Variants in TLN2 observed in about 807,000 individuals in gnomAD.
The protein encoded by TLN2 is talin 2, also known as talin-2.
Under a neutral mutation model 294.7 loss-of-function variants are expected in TLN2, and 118 were observed. The observed-to-expected ratio is 0.40, with a 90% CI of 0.34 to 0.47. The LOEUF (loss-of-function observed/expected upper bound fraction) is 0.47. TLN2 is among the 20% of genes least tolerant of loss of function. The pLI is 0.84. For missense variants in TLN2, 3,083 were observed against 3,282.2 expected (o/e 0.94, Z 1.48); for synonymous variants, 1,431 against 1,304.5 (o/e 1.10, Z -2.09).
chr15:62,738,073 G>C, intron 29 of TLN2, 141 bp from the exon 30 acceptor site: 2 of 880,722 alleles, frequency 2.3e-6, no homozygotes, highest in Admixed American at 2.2e-5. Flanking sequence ...ATGAGGTGAT[G>C]TAAGACAGGT....
chr15:62,692,191 A>G (rs2057977750), intron 12 of TLN2, among the ~76,000 whole-genome samples: 1 of 152,226 alleles, frequency 6.6e-6, no homozygotes, highest in Non-Finnish European at 1.5e-5. Context: ...GGCAGAAGGC[A>G]CTTCCCTGGG....
chr15:62,586,202 G>C (rs2045593844), intron 1 of TLN2, among the ~76,000 whole-genome samples: 1 of 152,336 alleles, frequency 6.6e-6, no homozygotes, highest in African/African-American at 2.4e-5. Context: ...AGAACAGAGA[G>C]GCCAGCAATT....
intron 1 of TLN2, among the ~76,000 whole-genome samples, chr15:62,577,084 CTTTA>C (rs1054204421): frequency 6.6e-6 from 1 of 152,196 alleles, no homozygotes; most frequent in African/African-American, 2.4e-5. Context: ...ATGGCTGTAA[CTTTA>C]TTTAATGAGT....
chr15:62,813,962 G>A (rs941791854), intron 52 of TLN2, among the ~76,000 whole-genome samples: 1 of 152,040 alleles, frequency 6.6e-6, no homozygotes, highest in Non-Finnish European at 1.5e-5. Flanking sequence ...TTACAGGCAC[G>A]AGCTACCAGG....
chr15:62,420,277 A>T (rs572449003), intron 1 of TLN2, among the ~76,000 whole-genome samples: 10 of 152,308 alleles, frequency 6.6e-5, no homozygotes, highest in African/African-American at 2.4e-4. Context: ...ATTTTCATAG[A>T]ATTTCATGTC....
At chr15:62,685,260 C>T (rs2057181719) in intron 11 of TLN2, among the ~76,000 whole-genome samples, 1 of 151,792 alleles carries the variant, frequency 6.6e-6, no homozygotes, top group Non-Finnish European at 1.5e-5. Flanking sequence ...TGTTTTTCTA[C>T]AATATGATTT....
At chr15:62,531,535 C>T (rs1398868199) in intron 1 of TLN2, among the ~76,000 whole-genome samples, 1 of 151,896 alleles carries the variant, frequency 6.6e-6, no homozygotes, top group Non-Finnish European at 1.5e-5. Flanking sequence ...TTGGATGTTT[C>T]AAAATTTCAA....
intron 2 of TLN2, among the ~76,000 whole-genome samples, chr15:62,598,178 A>G (rs1471696487): frequency 6.6e-6 from 1 of 152,186 alleles, no homozygotes; most frequent in African/African-American, 2.4e-5. Context: ...TATCACTGAC[A>G]TTTCACACAC....
At chr15:62,797,437 T>G in intron 48 of TLN2, 35 bp downstream of exon 48, 1 of 1,551,038 alleles carries the variant, frequency 6.4e-7, no homozygotes, top group Non-Finnish European at 8.6e-7. Context: ...GTCCTCCCGG[T>G]CTTCCCGTGA....
intron 1 of TLN2, among the ~76,000 whole-genome samples, chr15:62,404,713 C>G (rs974616881): frequency 1.0e-4 from 15 of 149,664 alleles, no homozygotes; most frequent in African/African-American, 3.6e-4. Flanking sequence ...CCAAGGGGGG[C>G]GTGGATTATT....
At chr15:62,530,490 G>T (rs1021458384) in intron 1 of TLN2, among the ~76,000 whole-genome samples, 1 of 152,080 alleles carries the variant, frequency 6.6e-6, no homozygotes, top group African/African-American at 2.4e-5. Flanking sequence ...CCAAGTAGTT[G>T]GGATTACAGG....
intron 3 of TLN2, among the ~76,000 whole-genome samples, chr15:62,620,657 T>C (rs1001924423): frequency 5.3e-5 from 8 of 151,594 alleles, no homozygotes; most frequent in East Asian, 1.9e-4. Context: ...TTTGTAAAAT[T>C]TTTTTGTAGG....
chr15:62,702,271 T>C (rs2058764171), intron 18 of TLN2, 71 bp downstream of exon 18: 2 of 1,478,508 alleles, frequency 1.4e-6, no homozygotes, highest in East Asian at 2.5e-5. Context: ...ACCATGGGGC[T>C]CTTGCTTCCC....
At chr15:62,838,495 C>T (rs917450140) in intron 57 of TLN2, among the ~76,000 whole-genome samples, 5 of 152,286 alleles carry the variant, frequency 3.3e-5, no homozygotes, top group East Asian at 3.9e-4. Context: ...TGGAGGCAGG[C>T]GAGGTGGTTT....
At position 62,825,754 on chromosome 15, in the gene TLN2, T is replaced by A. The variant is rs1567686160; in HGVS notation, c.7002+5144T>A. ...AATATATTTTTATATATATTAAATA[T>A]AATTATAATTATATATTATATAATA... On this transcript the variant is annotated intron_variant, in intron 54 of 58. Transcript: ENST00000636159. Among the ~76,000 whole-genome samples, 225 of 104,406 alleles carry A rather than the reference T, an allele frequency of 2.2e-3. 11 individuals are homozygous for A. The highest frequency in any genetic ancestry group is 9.8e-3 in the African/African-American group (216 of 22,088). 68.5% of individuals were successfully genotyped at this position (104,406 alleles called of 152,430 possible). A position where few individuals can be genotyped will look rare whatever the true frequency, so the allele number is the denominator to read the frequency against.
chr15:62,690,682 A>C (rs1459847104), intron 12 of TLN2, among the ~76,000 whole-genome samples: 1 of 148,726 alleles, frequency 6.7e-6, no homozygotes, highest in Non-Finnish European at 1.5e-5. Context: ...TGGATGTTGT[A>C]GCGAGCCGAG....
intron 22 of TLN2, among the ~76,000 whole-genome samples, chr15:62,712,557 A>G (rs1243615618): frequency 6.8e-5 from 1 of 14,742 alleles, no homozygotes; most frequent in African/African-American, 7.6e-5. Context: ...ATGAGGAGTT[A>G]AGAGTTCCTT....
At chr15:62,623,866 T>C (rs2049041228) in intron 3 of TLN2, among the ~76,000 whole-genome samples, 1 of 152,246 alleles carries the variant, frequency 6.6e-6, no homozygotes. Context: ...GAAGATTAGT[T>C]GATTTGTCAT....
At chr15:62,491,546 C>G (rs1045712127) in intron 1 of TLN2, among the ~76,000 whole-genome samples, 12 of 152,208 alleles carry the variant, frequency 7.9e-5, no homozygotes, top group African/African-American at 2.9e-4. Context: ...CAGATATGCT[C>G]TTATCTCAGT....
Sources: gnomAD v4.1 joint callset for allele counts (sites outside exome capture counted in the v4.1 genomes callset) on GRCh38, gnomAD v4.1.1 for gene constraint, MANE v1.5 for transcripts, NCBI Gene and HGNC (gene_info 2026-07-23, HGNC 2026-07-21) for gene names.